The following OCA2 variants were observed in gnomAD, a reference collection of about 807,000 sequenced individuals.
OCA2 encodes the protein OCA2 melanosomal transmembrane protein.
In OCA2, 77 loss-of-function variants were observed where a neutral mutation model predicts 100.2. The observed-to-expected ratio is 0.77, with a 90% confidence interval of 0.64 to 0.93. The LOEUF (loss-of-function observed/expected upper bound fraction) is 0.93, where lower values mean the gene tolerates loss of function less well. Among genes scored for constraint, OCA2 ranks in the 40% least tolerant of loss-of-function variants. The pLI, the probability that OCA2 is intolerant of heterozygous loss-of-function variation, is 0.00. For missense variants in OCA2, 1,062 were observed against 1,089.1 expected (o/e 0.98, Z 0.35); for synonymous variants, 432 against 439.2 (o/e 0.98, Z 0.21).
chr15:27,940,209 G>A (rs1055309823), intron 18 of OCA2, among the ~76,000 whole-genome samples: 3 of 152,232 alleles, frequency 2.0e-5, no homozygotes, highest in African/African-American at 7.2e-5. Flanking sequence ...TAAAGTACCA[G>A]ATAAAACATC....
At chr15:28,009,453 C>T (rs1350132676) in intron 9 of OCA2, among the ~76,000 whole-genome samples, 3 of 151,990 alleles carry the variant, frequency 2.0e-5, no homozygotes, top group Non-Finnish European at 4.4e-5. Context: ...TTTGGGAGAC[C>T]GAGGCAGGCA....
At chr15:27,862,477 A>ATTTT (rs57715276) in intron 21 of OCA2, among the ~76,000 whole-genome samples, 1 of 145,282 alleles carries the variant, frequency 6.9e-6, no homozygotes, top group African/African-American at 2.5e-5. Context: ...CTCCTCAGAC[A>ATTTT]TTTTTTTTTT....
At chr15:27,763,886 A>C (rs2031041357) in intron 23 of OCA2, among the ~76,000 whole-genome samples, 1 of 152,166 alleles carries the variant, frequency 6.6e-6, no homozygotes, top group Admixed American at 6.5e-5. Flanking sequence ...AGAGACATTT[A>C]ATATTCACTG....
intron 18 of OCA2, among the ~76,000 whole-genome samples, chr15:27,931,304 C>T (rs2039241456): frequency 6.6e-6 from 1 of 152,014 alleles, no homozygotes; most frequent in Non-Finnish European, 1.5e-5. Context: ...CTATACCTTG[C>T]ATTTTATTTT....
intron 2 of OCA2, among the ~76,000 whole-genome samples, chr15:28,062,029 C>A (rs2043887401): frequency 6.6e-6 from 1 of 152,226 alleles, no homozygotes; most frequent in Non-Finnish European, 1.5e-5. Flanking sequence ...GCTTTGAACA[C>A]ATATGCACAA....
chr15:28,070,903 C>T (rs907556089), intron 2 of OCA2, among the ~76,000 whole-genome samples: 50 of 144,808 alleles, frequency 3.5e-4, no homozygotes, highest in Admixed American at 2.4e-3. Context: ...TGTGTCCACT[C>T]AGGGTTAAAT....
the OCA2 span, among the ~76,000 whole-genome samples, chr15:27,743,589 A>G: frequency 6.6e-6 from 1 of 152,254 alleles, no homozygotes; most frequent in Admixed American, 6.5e-5. Context: ...TGGTCTGCCC[A>G]CGTGTCAGGC....
At chr15:27,938,952 G>A (rs1301818339) in intron 18 of OCA2, among the ~76,000 whole-genome samples, 1 of 152,164 alleles carries the variant, frequency 6.6e-6, no homozygotes, top group Non-Finnish European at 1.5e-5. Context: ...ACCTGTGACG[G>A]CTATGCTAGC....
intron 23 of OCA2, among the ~76,000 whole-genome samples, chr15:27,792,039 A>G (rs1279590187): frequency 6.6e-6 from 1 of 152,166 alleles, no homozygotes; most frequent in African/African-American, 2.4e-5. Flanking sequence ...CCATTGCCTC[A>G]CAGCCTGCGG....
At chr15:27,861,856 G>T (rs915727733) in intron 21 of OCA2, among the ~76,000 whole-genome samples, 2 of 152,126 alleles carry the variant, frequency 1.3e-5, no homozygotes, top group African/African-American at 2.4e-5. Context: ...ATCCGCCTGC[G>T]AATGATCAGC....
At chr15:27,994,467 C>T (rs1216320493) in intron 9 of OCA2, among the ~76,000 whole-genome samples, 1 of 152,194 alleles carries the variant, frequency 6.6e-6, no homozygotes, top group Non-Finnish European at 1.5e-5. Flanking sequence ...ACACCTCTTC[C>T]TACACCCAAA....
intron 21 of OCA2, among the ~76,000 whole-genome samples, chr15:27,867,194 A>G (rs1426370207): frequency 6.6e-6 from 1 of 152,254 alleles, no homozygotes; most frequent in Non-Finnish European, 1.5e-5. Flanking sequence ...CACTAGGTGC[A>G]TTACAAACAG....
chr15:27,792,069 G>A lies in OCA2; in HGVS notation c.2433-36597C>T, dbSNP rs138398752. ...CTGCGGTGAGAAGTATTCATGCTTC[G>A]TTCATGCATTTCCTCACCATGCATT... On this transcript the variant is annotated intron_variant, in intron 23 of 23. Transcript: ENST00000354638. Among the ~76,000 whole-genome samples, 439 of 152,262 alleles carry A rather than the reference G, an allele frequency of 2.9e-3. 2 individuals are homozygous for A. The highest frequency in any genetic ancestry group is 0.01 in the African/African-American group (427 of 41,538).
At chr15:28,066,428 T>TA (rs550889047) in intron 2 of OCA2, among the ~76,000 whole-genome samples, 43 of 152,174 alleles carry the variant, frequency 2.8e-4, no homozygotes, top group African/African-American at 9.9e-4. Flanking sequence ...TGGGAGGCGT[T>TA]AGATATGCCT....
intron 19 of OCA2, among the ~76,000 whole-genome samples, chr15:27,894,848 C>T (rs1226982328): frequency 6.6e-6 from 1 of 152,206 alleles, no homozygotes; most frequent in Non-Finnish European, 1.5e-5. Context: ...AGTCATGTGA[C>T]TCTTCTTCAG....
intron 2 of OCA2, among the ~76,000 whole-genome samples, chr15:28,077,770 C>T (rs2044478852): frequency 6.6e-6 from 1 of 152,178 alleles, no homozygotes; most frequent in Non-Finnish European, 1.5e-5. Flanking sequence ...AAAAACCACA[C>T]AAACATGGGC....
At chr15:27,999,449 A>G (rs971605905) in intron 9 of OCA2, among the ~76,000 whole-genome samples, 6 of 152,218 alleles carry the variant, frequency 3.9e-5, no homozygotes, top group African/African-American at 1.2e-4. Flanking sequence ...CAAATAAGGT[A>G]TAGAATAAAT....
chr15:28,074,808 C>T (rs1032746557), intron 2 of OCA2, among the ~76,000 whole-genome samples: 14 of 152,008 alleles, frequency 9.2e-5, no homozygotes, highest in Non-Finnish European at 1.3e-4. Flanking sequence ...GATAACACCA[C>T]GGCACTCCAG....
At position 27,767,108 on chromosome 15, in the gene OCA2, G is replaced by A. The variant is rs190724650; in HGVS notation, c.2433-11636C>T. Among the ~76,000 whole-genome samples, 166 of 152,084 alleles carry A rather than the reference G, an allele frequency of 1.1e-3. 1 individual carries two copies. Among genetic ancestry groups the A allele is most frequent in the African/African-American group, 3.9e-3 (162 of 41,446 alleles). On this transcript the variant is annotated intron_variant, in intron 23 of 23. Coordinates refer to ENST00000354638, the MANE Select transcript of OCA2 (RefSeq NM_000275.3). ...CGCCATCTTGCTATTACTTGCCTTT[G>A]GGCCCTGTACTTTTAACCTCCTTGT...
Sources: gnomAD v4.1 joint callset for allele counts (sites outside exome capture counted in the v4.1 genomes callset) on GRCh38, gnomAD v4.1.1 for gene constraint, MANE v1.5 for transcripts, NCBI Gene and HGNC (gene_info 2026-07-23, HGNC 2026-07-21) for gene names.